RORA: variants seen among roughly 807,000 people sequenced by gnomAD.
RORA encodes the protein RAR related orphan receptor A.
A neutral mutation model predicts 69.5 loss-of-function variants in RORA; 7 were observed. The ratio of observed to expected loss-of-function variants is 0.10; its 90% CI spans 0.06 to 0.19. RORA has a LOEUF of 0.19. Among genes scored for constraint, RORA ranks in the 10% least tolerant of loss-of-function variants. The pLI is 1.00. For synonymous variants in RORA, 261 were observed against 240.8 expected, an observed-to-expected ratio of 1.08 and a Z score of -0.78; for missense variants, 457 against 663.0, an observed-to-expected ratio of 0.69 and a Z score of 3.41.
At chr15:61,051,055 T>G (rs1280538330) in intron 1 of RORA, among the ~76,000 whole-genome samples, 2 of 152,268 alleles carry the variant, frequency 1.3e-5, no homozygotes, top group East Asian at 3.9e-4. Context: ...CAGCCCATGT[T>G]TGCTGACTCA....
intron 2 of RORA, among the ~76,000 whole-genome samples, chr15:60,658,346 T>A (rs2070254302): frequency 6.6e-6 from 1 of 152,214 alleles, no homozygotes; most frequent in African/African-American, 2.4e-5. Flanking sequence ...TGAGCCACTG[T>A]GCCTGGCCCA....
chr15:60,525,930 G>A (rs1240285242), intron 3 of RORA, among the ~76,000 whole-genome samples: 1 of 151,998 alleles, frequency 6.6e-6, no homozygotes, highest in Non-Finnish European at 1.5e-5. Flanking sequence ...CTGGCTAGAG[G>A]GGGAAAAAGA....
intron 2 of RORA, among the ~76,000 whole-genome samples, chr15:60,544,261 C>G (rs1438012785): frequency 6.6e-6 from 1 of 152,220 alleles, no homozygotes; most frequent in Admixed American, 6.5e-5. Flanking sequence ...ATTTCCCCAA[C>G]AGGGACCTCT....
chr15:60,605,526 A>T (rs2068924812), intron 2 of RORA, among the ~76,000 whole-genome samples: 2 of 152,222 alleles, frequency 1.3e-5, no homozygotes, highest in Admixed American at 1.3e-4. Context: ...TACGTAAACA[A>T]TGCATAAGGT....
intron 1 of RORA, among the ~76,000 whole-genome samples, chr15:61,011,837 T>TA (rs1895096713): frequency 6.6e-6 from 1 of 151,612 alleles, no homozygotes; most frequent in South Asian, 2.1e-4. Context: ...ATTCTTCACT[T>TA]AGAGTTCATG....
intron 1 of RORA, among the ~76,000 whole-genome samples, chr15:60,706,665 G>T (rs186386034): frequency 3.3e-5 from 5 of 152,242 alleles, no homozygotes; most frequent in Admixed American, 3.3e-4. Context: ...GCTTCCCATT[G>T]TCACAAATCC....
At chr15:60,574,246 A>G (rs2067963289) in intron 2 of RORA, among the ~76,000 whole-genome samples, 1 of 152,186 alleles carries the variant, frequency 6.6e-6, no homozygotes, top group Non-Finnish European at 1.5e-5. Context: ...CCTCTGTAAA[A>G]AGGAGGATGA....
chr15:61,063,161 T>C (rs552117757), intron 1 of RORA, among the ~76,000 whole-genome samples: 3 of 152,216 alleles, frequency 2.0e-5, no homozygotes, highest in Non-Finnish European at 4.4e-5. Context: ...ACCAGCAACA[T>C]AGCCTTCCCT....
intron 3 of RORA, among the ~76,000 whole-genome samples, chr15:60,527,383 CT>C (rs2066393868): frequency 6.6e-6 from 1 of 152,192 alleles, no homozygotes; most frequent in Non-Finnish European, 1.5e-5. Context: ...GATTATTTTC[CT>C]CCTAACACTT....
intron 2 of RORA, among the ~76,000 whole-genome samples, chr15:60,552,648 A>G (rs17191491): frequency 0.39 from 59,670 of 152,088 alleles, 13,008 homozygotes; most frequent in East Asian, 0.77. Flanking sequence ...AAAATACCCA[A>G]TGACAGCCTC....
At chr15:60,709,469 G>T (rs565599920) in intron 1 of RORA, among the ~76,000 whole-genome samples, 1 of 152,236 alleles carries the variant, frequency 6.6e-6, no homozygotes, top group African/African-American at 2.4e-5. Context: ...CCCTGGTACT[G>T]GTCCTGTTAG....
intron 1 of RORA, among the ~76,000 whole-genome samples, chr15:60,707,316 T>C (rs71395157): frequency 8.0e-4 from 121 of 151,464 alleles, no homozygotes; most frequent in Admixed American, 2.0e-3. Flanking sequence ...TAAGCATCCA[T>C]GGTCATCTAT....
Position 61,128,887 on chromosome 15 carries a change from C to G in RORA, c.166+100166G>C, listed in dbSNP as rs757242484. On this transcript the variant is annotated intron_variant, in intron 1 of 10. Coordinates refer to ENST00000335670, the MANE Select transcript of RORA (RefSeq NM_134261.3). This position sits in a 1 kb window ranked among gnomAD's most constrained non-coding sequence, Gnocchi z 4.5. Reference sequence around the variant, plus strand: ...CAACCTGGTCCTGCACGCTCATTTACATGGGACCCAAGAAGAGACACTGGC... The same window carrying G: ...CAACCTGGTCCTGCACGCTCATTTAGATGGGACCCAAGAAGAGACACTGGC... Among the ~76,000 whole-genome samples the G allele has an allele frequency of 1.3e-5, 2 of 152,228 alleles. No individual in the cohort carries two copies. The highest frequency in any genetic ancestry group is 4.1e-4 in the South Asian group (2 of 4,834).
chr15:61,063,268 T>C (rs1476194401), intron 1 of RORA, among the ~76,000 whole-genome samples: 3 of 152,226 alleles, frequency 2.0e-5, no homozygotes, highest in Non-Finnish European at 4.4e-5. Flanking sequence ...TTCTCTTTAT[T>C]TTAGATTATC....
chr15:60,577,241 A>G (rs1336936731), intron 2 of RORA, among the ~76,000 whole-genome samples: 3 of 152,192 alleles, frequency 2.0e-5, no homozygotes, highest in Non-Finnish European at 4.4e-5. Flanking sequence ...AGCCCCTTCT[A>G]TTGTTACCTT....
At chr15:60,542,944 C>G (rs1381137509) in intron 2 of RORA, among the ~76,000 whole-genome samples, 1 of 151,162 alleles carries the variant, frequency 6.6e-6, no homozygotes, top group Non-Finnish European at 1.5e-5. Flanking sequence ...ATACACTGCA[C>G]ACGCACCCTA....
chr15:60,836,233 C>T (rs1033787470), intron 1 of RORA, among the ~76,000 whole-genome samples: 1 of 152,196 alleles, frequency 6.6e-6, no homozygotes, highest in African/African-American at 2.4e-5. Context: ...TATGATGTGG[C>T]TTGAAACATC....
At chr15:60,543,018 A>G (rs939912099) in intron 2 of RORA, among the ~76,000 whole-genome samples, 1 of 149,248 alleles carries the variant, frequency 6.7e-6, no homozygotes, top group Admixed American at 6.7e-5. Context: ...GGGCCTACAC[A>G]CGAGTCCATC....
At chr15:60,498,801 A>G (rs2065239201) in intron 10 of RORA, among the ~76,000 whole-genome samples, 1 of 152,102 alleles carries the variant, frequency 6.6e-6, no homozygotes, top group Non-Finnish European at 1.5e-5. Flanking sequence ...AAAATCAAAA[A>G]GCAAAACAGC....
Sources: allele counts gnomAD v4.1 joint callset (sites outside exome capture counted in the v4.1 genomes callset), GRCh38; gene constraint gnomAD v4.1.1; non-coding constraint Gnocchi (gnomAD v3.1); transcripts MANE v1.5; gene names NCBI Gene and HGNC (gene_info 2026-07-23, HGNC 2026-07-21).